The following OTUD7A variants were observed in gnomAD, a reference collection of about 807,000 sequenced individuals.
OTUD7A encodes the protein OTU deubiquitinase 7A, also known as OTU domain-containing protein 7A.
Under a neutral mutation model 65.7 loss-of-function variants are expected in OTUD7A, and 12 were observed. That is an observed-to-expected ratio of 0.18 (90% CI 0.12 to 0.30). OTUD7A has a LOEUF of 0.30. OTUD7A is among the 10% of genes least tolerant of loss of function. The pLI is 1.00. For missense variants in OTUD7A, 1,148 were observed against 1,304.8 expected (o/e 0.88, Z 1.85); for synonymous variants, 641 against 586.3 (o/e 1.09, Z -1.35).
intron 1 of OTUD7A, among the ~76,000 whole-genome samples, chr15:31,811,553 G>A (rs1201488372): frequency 6.6e-6 from 1 of 152,120 alleles, no homozygotes; most frequent in Non-Finnish European, 1.5e-5. Context: ...ATGTGTATGT[G>A]AGTGTGCGTT....
intron 1 of OTUD7A, among the ~76,000 whole-genome samples, chr15:31,848,897 T>C (rs1897353320): frequency 6.6e-6 from 1 of 152,162 alleles, no homozygotes; most frequent in Non-Finnish European, 1.5e-5. Context: ...TGGATCCACA[T>C]CCCAAGCTAT....
chr15:31,700,323 T>C (rs1893185299), intron 1 of OTUD7A, among the ~76,000 whole-genome samples: 1 of 152,018 alleles, frequency 6.6e-6, no homozygotes, highest in Non-Finnish European at 1.5e-5. Flanking sequence ...TGGCCCTCTC[T>C]AGTCTTGTTC....
intron 3 of OTUD7A, among the ~76,000 whole-genome samples, chr15:31,613,220 T>C (rs1890484486): frequency 6.6e-6 from 1 of 152,134 alleles, no homozygotes; most frequent in African/African-American, 2.4e-5. Context: ...AAACCCCTTC[T>C]AGACATTGGC....
At chr15:31,524,146 T>A (rs1306716220) in intron 8 of OTUD7A, among the ~76,000 whole-genome samples, 12 of 152,052 alleles carry the variant, frequency 7.9e-5, no homozygotes, top group Non-Finnish European at 5.9e-5. Context: ...TTTTGTTTTT[T>A]TTTTTCCCTT....
At chr15:31,628,997 G>A (rs1891054040) in intron 3 of OTUD7A, among the ~76,000 whole-genome samples, 1 of 152,128 alleles carries the variant, frequency 6.6e-6, no homozygotes. Flanking sequence ...TTTGGGCTGA[G>A]ACAATGGGGT....
chr15:31,618,856 A>G (rs929809025), intron 3 of OTUD7A, among the ~76,000 whole-genome samples: 1 of 152,142 alleles, frequency 6.6e-6, no homozygotes, highest in African/African-American at 2.4e-5. Context: ...GCCCATGCCT[A>G]TGTCCTGAAT....
At position 31,663,786 on chromosome 15, in the gene OTUD7A, C is replaced by T. The variant is rs893529239; in HGVS notation, c.-99-6709G>A. 8.5e-5 allele frequency among the ~76,000 whole-genome samples: 13 copies of T among 152,116 alleles called. 1 individual carries two copies. Among genetic ancestry groups the T allele is most frequent in the Admixed American group, 7.2e-4 (11 of 15,278 alleles). On this transcript the variant is annotated intron_variant, in intron 1 of 12. Transcript: ENST00000307050. The stretch of plus-strand genomic sequence containing the variant: ...GTGCACCCATCACCTGAGCAGTACA[C>T]ACAGAACCCTATTTGCAGTCTTTTA...
chr15:31,674,202 G>A (rs1892546193), intron 1 of OTUD7A, among the ~76,000 whole-genome samples: 2 of 152,144 alleles, frequency 1.3e-5, no homozygotes. Context: ...GGGCATTCTG[G>A]GCTGGATGAG....
chr15:31,627,119 T>C (rs1310918456), intron 3 of OTUD7A, among the ~76,000 whole-genome samples: 1 of 152,018 alleles, frequency 6.6e-6, no homozygotes, highest in Non-Finnish European at 1.5e-5. Flanking sequence ...TTTTAAGTTT[T>C]AGGGTACATG....
At chr15:31,601,329 T>C (rs759516973) in intron 3 of OTUD7A, among the ~76,000 whole-genome samples, 5 of 152,032 alleles carry the variant, frequency 3.3e-5, no homozygotes, top group Non-Finnish European at 7.4e-5. Flanking sequence ...CACAACAACA[T>C]GGAAACTGAA....
At chr15:31,661,905 G>A (rs1467520135) in intron 1 of OTUD7A, among the ~76,000 whole-genome samples, 2 of 151,952 alleles carry the variant, frequency 1.3e-5, no homozygotes, top group East Asian at 1.9e-4. Flanking sequence ...CCCTCTGTTT[G>A]TTGAAAAATC....
intron 8 of OTUD7A, among the ~76,000 whole-genome samples, chr15:31,522,969 G>A (rs2041958331): frequency 6.6e-6 from 1 of 152,230 alleles, no homozygotes; most frequent in African/African-American, 2.4e-5. Context: ...AGGATGCAGG[G>A]CCCGCACTGC....
intron 1 of OTUD7A, among the ~76,000 whole-genome samples, chr15:31,713,058 T>C (rs1028909663): frequency 6.6e-6 from 1 of 152,192 alleles, no homozygotes; most frequent in African/African-American, 2.4e-5. Context: ...TGTGGCTTTA[T>C]AGAGGTCATA....
At chr15:31,518,496 C>T (rs1040205903) in intron 8 of OTUD7A, among the ~76,000 whole-genome samples, 5 of 152,058 alleles carry the variant, frequency 3.3e-5, no homozygotes, top group African/African-American at 1.2e-4. Context: ...AGTAAGTGCA[C>T]ATCTGTGTGC....
intron 1 of OTUD7A, among the ~76,000 whole-genome samples, chr15:31,682,605 A>G (rs574761526): frequency 6.6e-6 from 1 of 152,362 alleles, no homozygotes; most frequent in South Asian, 2.1e-4. Flanking sequence ...AATGGAGAAA[A>G]GATAGACTTT....
chr15:31,746,592 G>C (rs1210044535), intron 1 of OTUD7A, among the ~76,000 whole-genome samples: 1 of 151,000 alleles, frequency 6.6e-6, no homozygotes, highest in Non-Finnish European at 1.5e-5. Flanking sequence ...CACCTCCCAG[G>C]TTCAAGTGAT....
At chr15:31,592,785 C>T (rs1566934803) in intron 3 of OTUD7A, among the ~76,000 whole-genome samples, 1 of 142,302 alleles carries the variant, frequency 7.0e-6, no homozygotes, top group African/African-American at 2.7e-5. Flanking sequence ...AAGGCTGAGG[C>T]AGGAGAATGG....
At chr15:31,499,013 G>A (rs886724505) in intron 10 of OTUD7A, among the ~76,000 whole-genome samples, 2 of 152,162 alleles carry the variant, frequency 1.3e-5, no homozygotes, top group African/African-American at 2.4e-5. Flanking sequence ...ACCTATAAGA[G>A]GGGGCTTCCC....
intron 8 of OTUD7A, among the ~76,000 whole-genome samples, chr15:31,512,623 T>C (rs1037866538): frequency 1.3e-4 from 20 of 152,278 alleles, no homozygotes; most frequent in African/African-American, 4.6e-4. Flanking sequence ...TGTATTTGTT[T>C]TGATTGGTTA....
Sources: gnomAD v4.1 joint callset for allele counts (sites outside exome capture counted in the v4.1 genomes callset) on GRCh38, gnomAD v4.1.1 for gene constraint, MANE v1.5 for transcripts, NCBI Gene and HGNC (gene_info 2026-07-23, HGNC 2026-07-21) for gene names.